The following KHDRBS2 variants were observed in gnomAD, a reference collection of about 807,000 sequenced individuals.
KHDRBS2 encodes KH domain-containing, RNA-binding, signal transduction-associated protein 2.
Under a neutral mutation model 44.3 loss-of-function variants are expected in KHDRBS2, and 26 were observed. That is an observed-to-expected ratio of 0.59 (90% CI 0.43 to 0.81). The LOEUF (loss-of-function observed/expected upper bound fraction) is 0.81. Ranked by LOEUF, KHDRBS2 falls within the 40% of genes least tolerant of loss-of-function variation. The pLI is 0.00. For synonymous variants in KHDRBS2, 194 were observed against 151.1 expected (o/e 1.28, Z -2.08); for missense variants, 476 against 433.1 (o/e 1.10, Z -0.88).
intron 2 of KHDRBS2, among the ~76,000 whole-genome samples, chr6:62,091,270 G>T (rs1174134286): frequency 1.0e-5 from 1 of 98,614 alleles, no homozygotes; most frequent in Non-Finnish European, 2.0e-5. Flanking sequence ...TAATATAATT[G>T]TACCACAGTA....
At chr6:61,955,391 T>G (rs1286666590) in intron 4 of KHDRBS2, among the ~76,000 whole-genome samples, 1 of 86,334 alleles carries the variant, frequency 1.2e-5, no homozygotes, top group Admixed American at 1.1e-4. Context: ...CACATACGTA[T>G]GTGTATGTAT....
At chr6:61,567,336 G>A in the KHDRBS2 span, among the ~76,000 whole-genome samples, 1 of 152,186 alleles carries the variant, frequency 6.6e-6, no homozygotes, top group Non-Finnish European at 1.5e-5. Context: ...CAAGGTGAGG[G>A]GGAACATTAA....
At chr6:61,693,833 G>A (rs1400280759) in intron 8 of KHDRBS2, among the ~76,000 whole-genome samples, 5 of 152,076 alleles carry the variant, frequency 3.3e-5, no homozygotes, top group Admixed American at 2.0e-4. Context: ...TATAAGACTC[G>A]GGATTATAGA....
At chr6:62,165,499 G>A (rs1818499103) in intron 2 of KHDRBS2, among the ~76,000 whole-genome samples, 1 of 151,316 alleles carries the variant, frequency 6.6e-6, no homozygotes, top group South Asian at 2.1e-4. Flanking sequence ...TGCATCTTCT[G>A]ATCTAAAAAT....
intron 1 of KHDRBS2, among the ~76,000 whole-genome samples, chr6:62,243,030 C>G (rs1834948889): frequency 6.6e-6 from 1 of 152,158 alleles, no homozygotes; most frequent in Non-Finnish European, 1.5e-5. Context: ...CAGTTTACCT[C>G]TGTGTCTGAA....
At chr6:61,824,301 CT>C (rs1399320407) in intron 6 of KHDRBS2, among the ~76,000 whole-genome samples, 2 of 152,056 alleles carry the variant, frequency 1.3e-5, no homozygotes, top group Non-Finnish European at 2.9e-5. Flanking sequence ...AACCATCCCC[CT>C]TGTGCTGTCT....
intron 7 of KHDRBS2, among the ~76,000 whole-genome samples, chr6:61,726,050 T>C (rs566779496): frequency 6.6e-6 from 1 of 152,008 alleles, no homozygotes; most frequent in Non-Finnish European, 1.5e-5. Context: ...CAATCCTCAA[T>C]AAAATACTAG....
At chr6:61,900,112 T>G (rs781020886) in intron 5 of KHDRBS2, among the ~76,000 whole-genome samples, 5 of 152,066 alleles carry the variant, frequency 3.3e-5, no homozygotes, top group Non-Finnish European at 7.4e-5. Flanking sequence ...AAGTTTTGCT[T>G]TTAGTGAAAT....
At chr6:61,789,934 A>G (rs1345296712) in intron 6 of KHDRBS2, among the ~76,000 whole-genome samples, 2 of 151,456 alleles carry the variant, frequency 1.3e-5, no homozygotes, top group East Asian at 3.9e-4. Context: ...GAATTGCAAA[A>G]TTCCATGAGA....
the KHDRBS2 span, among the ~76,000 whole-genome samples, chr6:61,545,314 A>C: frequency 6.6e-6 from 1 of 151,950 alleles, no homozygotes; most frequent in African/African-American, 2.4e-5. Context: ...AGTGATAGGC[A>C]CTAGGCCATC....
the KHDRBS2 span, among the ~76,000 whole-genome samples, chr6:61,593,204 G>C: frequency 6.6e-6 from 1 of 152,132 alleles, no homozygotes; most frequent in Non-Finnish European, 1.5e-5. Context: ...AGGCGTGAAG[G>C]CTGCTTATAA....
intron 2 of KHDRBS2, among the ~76,000 whole-genome samples, chr6:62,058,970 C>T (rs72884495): frequency 0.2 from 30,574 of 151,438 alleles, 3,735 homozygotes; most frequent in Admixed American, 0.32. Flanking sequence ...CAGTCACTCA[C>T]AAGTAACCAC....
At chr6:62,241,084 G>A (rs1834585087) in intron 1 of KHDRBS2, among the ~76,000 whole-genome samples, 2 of 152,166 alleles carry the variant, frequency 1.3e-5, no homozygotes, top group South Asian at 4.1e-4. Flanking sequence ...AAAGAATAAA[G>A]TAAAACATAT....
chr6:61,625,345 C>G, the KHDRBS2 span, among the ~76,000 whole-genome samples: 1 of 148,954 alleles, frequency 6.7e-6, no homozygotes, highest in Non-Finnish European at 1.5e-5. Context: ...GGAATACTTC[C>G]TGAAAATGTG....
At chr6:62,014,213 T>TTTTAA (rs753565951) in intron 3 of KHDRBS2, among the ~76,000 whole-genome samples, 1 of 152,186 alleles carries the variant, frequency 6.6e-6, no homozygotes, top group South Asian at 2.1e-4. Flanking sequence ...TTCTTCTAAA[T>TTTTAA]TTTTTCAGTC....
the KHDRBS2 span, among the ~76,000 whole-genome samples, chr6:61,567,932 A>AT: frequency 1.3e-5 from 2 of 151,892 alleles, no homozygotes; most frequent in Admixed American, 6.6e-5. Flanking sequence ...TCTATTCAGA[A>AT]TTTTTTTCCA....
rs373579139 is a variant in KHDRBS2, at chr6:62,040,890, T to A, written c.336+6988A>T. ...TATCCAGATTCAAGGGGAAGAGAATTGGACCCTATTCATCTCTCTCTAAAA... is the reference window on the plus strand; with the variant it reads ...TATCCAGATTCAAGGGGAAGAGAATAGGACCCTATTCATCTCTCTCTAAAA... On this transcript the variant is annotated intron_variant, in intron 3 of 8. Coordinates refer to ENST00000281156, the MANE Select transcript of KHDRBS2 (RefSeq NM_152688.4). Among the ~76,000 whole-genome samples the A allele has an allele frequency of 2.6e-5, 4 of 152,266 alleles. No homozygotes were observed. The East Asian group carries it at 7.7e-4, about 29-fold the overall frequency.
At chr6:61,554,975 G>A in the KHDRBS2 span, among the ~76,000 whole-genome samples, 1 of 152,090 alleles carries the variant, frequency 6.6e-6, no homozygotes, top group African/African-American at 2.4e-5. Context: ...AGAATCTGAT[G>A]ACTATGTGTC....
At chr6:62,195,510 CA>C in intron 1 of KHDRBS2, among the ~76,000 whole-genome samples, 1 of 152,146 alleles carries the variant, frequency 6.6e-6, no homozygotes, top group South Asian at 2.1e-4. Context: ...AGTCAACAAA[CA>C]AAAGTTCTCC....
Sources: gnomAD v4.1 joint callset for allele counts (sites outside exome capture counted in the v4.1 genomes callset) on GRCh38, gnomAD v4.1.1 for gene constraint, MANE v1.5 for transcripts, NCBI Gene and HGNC (gene_info 2026-07-23, HGNC 2026-07-21) for gene names.